The following WDR72 variants were observed in gnomAD, a reference collection of about 807,000 sequenced individuals.
The protein encoded by WDR72 is WD repeat domain 72.
A neutral mutation model predicts 124.2 loss-of-function variants in WDR72; 120 were observed. That is an observed-to-expected ratio of 0.97 (90% CI 0.83 to 1.12). The LOEUF (loss-of-function observed/expected upper bound fraction) is 1.12. Among genes scored for constraint, WDR72 ranks in the 50% most tolerant of loss-of-function variants. WDR72 has a pLI of 0.00. For synonymous variants in WDR72, 452 were observed against 441.7 expected (o/e 1.02, Z -0.29); for missense variants, 1,387 against 1,278.8 (o/e 1.08, Z -1.29).
intron 16 of WDR72, among the ~76,000 whole-genome samples, chr15:53,611,849 C>A (rs1371391450): frequency 1.3e-5 from 2 of 151,966 alleles, no homozygotes; most frequent in Non-Finnish European, 2.9e-5. Flanking sequence ...TTGGAACAAA[C>A]TAAGCACAAG....
chr15:53,761,549 G>A (rs1462731693), upstream of WDR72, among the ~76,000 whole-genome samples: 1 of 152,194 alleles, frequency 6.6e-6, no homozygotes, highest in African/African-American at 2.4e-5. Context: ...AGACTGCATA[G>A]GCATGGTGGC....
chr15:53,594,422 T>C (rs2012664330), intron 18 of WDR72, among the ~76,000 whole-genome samples: 1 of 151,966 alleles, frequency 6.6e-6, no homozygotes, highest in Non-Finnish European at 1.5e-5. Flanking sequence ...CAAAATGACA[T>C]ATGTTGCAAT....
intron 15 of WDR72, among the ~76,000 whole-genome samples, chr15:53,614,428 C>G (rs1158114852): frequency 6.6e-6 from 1 of 152,062 alleles, no homozygotes; most frequent in Non-Finnish European, 1.5e-5. Context: ...CAGATCAAAT[C>G]TTGAGTGGCT....
intron 2 of WDR72, among the ~76,000 whole-genome samples, chr15:53,726,278 A>C (rs1178077229): frequency 1.2e-4 from 14 of 113,672 alleles, no homozygotes; most frequent in African/African-American, 6.0e-4. Context: ...ATATATATAT[A>C]TATATATACA....
intron 18 of WDR72, among the ~76,000 whole-genome samples, chr15:53,531,502 A>T (rs1186567205): frequency 6.6e-6 from 1 of 152,090 alleles, no homozygotes; most frequent in African/African-American, 2.4e-5. Flanking sequence ...GTCTCACTGC[A>T]TAACACTGAG....
intron 18 of WDR72, among the ~76,000 whole-genome samples, chr15:53,588,407 A>G (rs1381032741): frequency 6.6e-6 from 1 of 152,066 alleles, no homozygotes; most frequent in African/African-American, 2.4e-5. Flanking sequence ...AGGAGTGTAG[A>G]AAGTAATATA....
intron 14 of WDR72, among the ~76,000 whole-genome samples, chr15:53,625,822 G>A (rs1259187496): frequency 6.6e-6 from 1 of 151,718 alleles, no homozygotes; most frequent in African/African-American, 2.4e-5. Flanking sequence ...TGTAATAGGT[G>A]TGAAAGTACA....
chr15:53,520,123 A>G (rs1282475957), intron 19 of WDR72, among the ~76,000 whole-genome samples: 1 of 152,120 alleles, frequency 6.6e-6, no homozygotes, highest in Non-Finnish European at 1.5e-5. Context: ...TATTCACAAT[A>G]TAAAACCAGA....
At chr15:53,644,108 G>C (rs2140416494) in intron 14 of WDR72, among the ~76,000 whole-genome samples, 1 of 152,204 alleles carries the variant, frequency 6.6e-6, no homozygotes, top group Non-Finnish European at 1.5e-5. Flanking sequence ...CATCAGCCTT[G>C]AAATCAAGTG....
intron 18 of WDR72, among the ~76,000 whole-genome samples, chr15:53,579,591 GAA>G (rs1176493043): frequency 2.0e-5 from 3 of 152,026 alleles, no homozygotes; most frequent in Non-Finnish European, 4.4e-5. Context: ...AGCAACTATT[GAA>G]AAGAGTCAGG....
chr15:53,599,083 C>A (rs1327441364), intron 17 of WDR72, among the ~76,000 whole-genome samples: 1 of 151,746 alleles, frequency 6.6e-6, no homozygotes, highest in Non-Finnish European at 1.5e-5. Context: ...CAGATTGCAC[C>A]CCTGCACTCC....
chr15:53,728,144 G>A (rs149084813), intron 2 of WDR72, among the ~76,000 whole-genome samples: 109 of 152,318 alleles, frequency 7.2e-4, no homozygotes, highest in African/African-American at 2.5e-3. Context: ...CCACATGGCT[G>A]GGGAGGCCTC....
Position 53,699,805 on chromosome 15 carries a change from A to G in WDR72, c.1710T>C (p.Asn570=). Reference sequence around the variant, plus strand: ...CATCTGCACATCCAACAATTAAAAAATTCTCAACCGGGTGCCATTTTATCA... The same window carrying G: ...CATCTGCACATCCAACAATTAAAAAGTTCTCAACCGGGTGCCATTTTATCA... ...VRMIKWHPVE[N]FLIVGCADDS... Residue 570 remains asparagine, a synonymous_variant, in exon 13 of 20, where the codon AAT becomes AAC. Coordinates refer to ENST00000360509, the MANE Select transcript of WDR72 (RefSeq NM_182758.4). The G allele has an allele frequency of 1.2e-6, 2 of 1,614,204 alleles. No individual in the cohort carries two copies. Among genetic ancestry groups the G allele is most frequent in the Non-Finnish European group, 1.7e-6 (2 of 1,180,038 alleles).
rs972671819 is a variant in WDR72, at chr15:53,673,421, C to G, written c.1766-7653G>C. ...TCACCCAGATGGATTAACACTTTAT[C>G]ATGTTGTACAGAAACATTTTCTTTA... On this transcript the variant is annotated intron_variant, in intron 13 of 19. Transcript: ENST00000360509. Among the ~76,000 whole-genome samples the G allele has an allele frequency of 3.3e-5, 5 of 152,136 alleles. No individual in the cohort carries two copies. In the East Asian group the frequency reaches 5.8e-4, roughly 18 times the overall value.
chr15:53,701,559 TCACACACA>T (rs58047374), intron 12 of WDR72, among the ~76,000 whole-genome samples: 6 of 120,100 alleles, frequency 5.0e-5, no homozygotes, highest in African/African-American at 1.2e-4. Flanking sequence ...TCTCTCTCTC[TCACACACA>T]CACACACACA....
intron 9 of WDR72, 128 bp from the exon 10 acceptor site, chr15:53,706,202 A>T (rs61513701): frequency 0.014 from 15,057 of 1,096,206 alleles, 418 homozygotes; most frequent in African/African-American, 0.088. Context: ...CTCTTTTGAC[A>T]TTTTCAAGTA....
chr15:53,720,666 G>T (rs1285262941), intron 3 of WDR72, among the ~76,000 whole-genome samples: 8 of 152,144 alleles, frequency 5.3e-5, no homozygotes. Flanking sequence ...TGTCATTACA[G>T]TTGGGAAGTC....
chr15:53,739,121 ATGACAGCTCATT>A (rs144600828), intron 1 of WDR72, among the ~76,000 whole-genome samples: 26 of 152,344 alleles, frequency 1.7e-4, no homozygotes, highest in Non-Finnish European at 3.4e-4. Flanking sequence ...GTAAAGCAAA[ATGACAGCTCATT>A]TAACAGCTCA....
intron 13 of WDR72, among the ~76,000 whole-genome samples, chr15:53,680,930 C>A (rs937459317): frequency 6.6e-6 from 1 of 152,198 alleles, no homozygotes; most frequent in African/African-American, 2.4e-5. Context: ...CAGCAGGCAA[C>A]ATTATTTGCA....
Sources: gnomAD v4.1 joint callset for allele counts (sites outside exome capture counted in the v4.1 genomes callset) on GRCh38, gnomAD v4.1.1 for gene constraint, MANE v1.5 for transcripts, NCBI Gene and HGNC (gene_info 2026-07-23, HGNC 2026-07-21) for gene names.